The following KSR1 variants were observed in gnomAD, a reference collection of about 807,000 sequenced individuals.
KSR1 encodes kinase suppressor of ras.
In KSR1, 35 loss-of-function variants were observed where a neutral mutation model predicts 92.9. That is an observed-to-expected ratio of 0.38 (90% CI 0.29 to 0.50). KSR1 has a LOEUF of 0.50. KSR1 is among the 20% of genes least tolerant of loss of function. The pLI, the probability that KSR1 is intolerant of heterozygous loss-of-function variation, is 0.94. For synonymous variants in KSR1, 467 were observed against 472.6 expected, an observed-to-expected ratio of 0.99 and a Z score of 0.15; for missense variants, 972 against 1,158.5, an observed-to-expected ratio of 0.84 and a Z score of 2.34.
chr17:27,552,934 C>T (rs1375417541), intron 2 of KSR1, among the ~76,000 whole-genome samples: 1 of 152,140 alleles, frequency 6.6e-6, no homozygotes, highest in Non-Finnish European at 1.5e-5. Flanking sequence ...TAATAGAGAC[C>T]ATTTTCCCCA....
chr17:27,523,013 C>T (rs966984519), intron 1 of KSR1, among the ~76,000 whole-genome samples: 1 of 152,164 alleles, frequency 6.6e-6, no homozygotes, highest in African/African-American at 2.4e-5. Flanking sequence ...GGCCTCCTCT[C>T]TCACACAGGG....
intron 1 of KSR1, among the ~76,000 whole-genome samples, chr17:27,515,788 A>C (rs2069769322): frequency 6.6e-6 from 1 of 152,016 alleles, no homozygotes; most frequent in African/African-American, 2.4e-5. Context: ...TTGAGGAAGG[A>C]GGCTCTGGGG....
At position 27,622,064 on chromosome 17, in the gene KSR1, C is replaced by T. The variant is rs570845047; in HGVS notation, c.2708+791C>T. On this transcript the variant is annotated intron_variant, in intron 20 of 20. Coordinates refer to ENST00000644974, the MANE Select transcript of KSR1 (RefSeq NM_001394583.1). ...GGGATGCCACCTCTGCTGCTCCAGT[C>T]GTCTCTCTCGAGGCTACTTCTTTTG... is the stretch of plus-strand genomic sequence containing the variant. 129 of 840,764 alleles carry T rather than the reference C, an allele frequency of 1.5e-4. 1 individual carries two copies. The South Asian group carries it at 1.7e-3, about 11-fold the overall frequency. The allele number at this position is 840,764 out of a possible 1,614,324, so 52.1% of individuals were successfully genotyped here. A position where few individuals can be genotyped will look rare whatever the true frequency, so the allele number is the denominator to read the frequency against.
rs757850083 is a variant in KSR1, at chr17:27,474,271, G to T, written c.231+17397G>T. Among the ~76,000 whole-genome samples, 4 of 152,380 alleles carry T rather than the reference G, an allele frequency of 2.6e-5. No homozygotes were observed. The South Asian group carries it at 8.3e-4, about 32-fold the overall frequency. On this transcript the variant is annotated intron_variant, in intron 1 of 20. Coordinates refer to ENST00000644974, the MANE Select transcript of KSR1 (RefSeq NM_001394583.1). ...GCTTGTCAAAGCCGTAGTGCTACTT[G>T]TTATAGCAAACAGGCCCCTGTCACC...
chr17:27,519,850 G>C (rs2069949587), intron 1 of KSR1, among the ~76,000 whole-genome samples: 1 of 152,216 alleles, frequency 6.6e-6, no homozygotes, highest in Admixed American at 6.5e-5. Flanking sequence ...CACCACCTGA[G>C]AGCTGTGAGC....
chr17:27,490,967 T>C (rs191371760), intron 1 of KSR1, among the ~76,000 whole-genome samples: 146 of 152,274 alleles, frequency 9.6e-4, no homozygotes, highest in African/African-American at 3.4e-3. Context: ...TGGACTGTCT[T>C]GGACAGATTT....
intron 1 of KSR1, among the ~76,000 whole-genome samples, chr17:27,540,167 G>A (rs1346508383): frequency 6.6e-6 from 1 of 152,238 alleles, no homozygotes; most frequent in Non-Finnish European, 1.5e-5. Context: ...TCTAAGGTGG[G>A]TGCTTAGTTG....
chr17:27,556,157 T>C (rs1359831419), intron 2 of KSR1, among the ~76,000 whole-genome samples: 2 of 152,254 alleles, frequency 1.3e-5, no homozygotes, highest in Non-Finnish European at 2.9e-5. Flanking sequence ...TTTTAGTGAA[T>C]GTTTCCAAAG....
chr17:27,618,372 G>C (rs775374796), intron 19 of KSR1, among the ~76,000 whole-genome samples: 11 of 152,222 alleles, frequency 7.2e-5, no homozygotes, highest in Non-Finnish European at 1.3e-4. Context: ...CCTCTGCTCT[G>C]TCACGAATGC....
chr17:27,469,079 C>G (rs553071588), intron 1 of KSR1, among the ~76,000 whole-genome samples: 1 of 152,134 alleles, frequency 6.6e-6, no homozygotes, highest in Non-Finnish European at 1.5e-5. Context: ...CTGCTGAGTA[C>G]AGGAAGGTGC....
At chr17:27,533,889 G>A (rs1283661501) in intron 1 of KSR1, among the ~76,000 whole-genome samples, 4 of 152,154 alleles carry the variant, frequency 2.6e-5, no homozygotes, top group Non-Finnish European at 5.9e-5. Flanking sequence ...GCAGCATACC[G>A]CCTCTCTTTA....
At chr17:27,574,519 A>G (rs1320923583) in intron 2 of KSR1, among the ~76,000 whole-genome samples, 1 of 152,158 alleles carries the variant, frequency 6.6e-6, no homozygotes, top group African/African-American at 2.4e-5. Flanking sequence ...ATATACTGAA[A>G]AGCTACAAAA....
chr17:27,605,883 T>C (rs2073735959), intron 14 of KSR1, 70 bp downstream of exon 14: 2 of 1,583,424 alleles, frequency 1.3e-6, no homozygotes, highest in Non-Finnish European at 1.7e-6. Context: ...GCCCTGTTTG[T>C]GTGGATGCCC....
chr17:27,611,158 CAA>C (rs1456107857), intron 17 of KSR1, among the ~76,000 whole-genome samples: 2 of 152,202 alleles, frequency 1.3e-5, no homozygotes, highest in Non-Finnish European at 2.9e-5. Flanking sequence ...AACCCTGTGA[CAA>C]GAGACATTAG....
chr17:27,534,261 C>T (rs563085645), intron 1 of KSR1, among the ~76,000 whole-genome samples: 49 of 152,318 alleles, frequency 3.2e-4, no homozygotes, highest in African/African-American at 1.2e-3. Context: ...TGCCCATTTT[C>T]AAGGAATACA....
intron 1 of KSR1, among the ~76,000 whole-genome samples, chr17:27,457,632 C>T (rs2019240868): frequency 6.6e-6 from 1 of 152,090 alleles, no homozygotes; most frequent in African/African-American, 2.4e-5. Flanking sequence ...ATATGCGGGC[C>T]TTCCTCTCTC....
intron 2 of KSR1, among the ~76,000 whole-genome samples, chr17:27,561,741 A>C (rs1431389326): frequency 1.3e-5 from 2 of 152,228 alleles, no homozygotes; most frequent in Non-Finnish European, 2.9e-5. Context: ...ATCTTGAGCC[A>C]AAGGTACCCA....
chr17:27,484,467 A>G (rs2150949498), intron 1 of KSR1, among the ~76,000 whole-genome samples: 1 of 152,312 alleles, frequency 6.6e-6, no homozygotes, highest in East Asian at 1.9e-4. Context: ...CCTGGCCTCA[A>G]GTGATCTGCC....
At chr17:27,522,294 C>G (rs531942110) in intron 1 of KSR1, among the ~76,000 whole-genome samples, 1 of 152,144 alleles carries the variant, frequency 6.6e-6, no homozygotes, top group Non-Finnish European at 1.5e-5. Context: ...GAACTTGATC[C>G]TAGGAATACT....
Sources: gnomAD v4.1 joint callset for allele counts (sites outside exome capture counted in the v4.1 genomes callset) on GRCh38, gnomAD v4.1.1 for gene constraint, MANE v1.5 for transcripts, NCBI Gene and HGNC (gene_info 2026-07-23, HGNC 2026-07-21) for gene names.